Variants in PIEZO2 observed in about 807,000 individuals in gnomAD.
PIEZO2 encodes piezo type mechanosensitive ion channel component 2, also known as piezo-type mechanosensitive ion channel component 2.
In PIEZO2, 172 loss-of-function variants were observed where a neutral mutation model predicts 337.3. The observed-to-expected ratio is 0.51, with a 90% confidence interval of 0.45 to 0.58. PIEZO2 has a LOEUF of 0.58. Ranked by LOEUF, PIEZO2 falls within the 20% of genes least tolerant of loss-of-function variation. The pLI is 0.00. For synonymous variants in PIEZO2, 1,251 were observed against 1,228.5 expected (o/e 1.02, Z -0.38); for missense variants, 3,028 against 3,391.3 (o/e 0.89, Z 2.66).
rs1292186620 is a variant in PIEZO2, at chr18:10,929,589, A to C, written c.287-18361T>G. Among the ~76,000 whole-genome samples, 1 of 152,200 alleles carries C rather than the reference A, an allele frequency of 6.6e-6. No individual in the cohort carries two copies. Among genetic ancestry groups the C allele is most frequent in the Non-Finnish European group, 1.5e-5 (1 of 68,034 alleles). On this transcript the variant is annotated intron_variant, in intron 3 of 55. Coordinates refer to ENST00000674853, the MANE Select transcript of PIEZO2 (RefSeq NM_001378183.1). This position sits in a 1 kb window ranked among gnomAD's most constrained non-coding sequence, Gnocchi z 5.6. Reference sequence around the variant, plus strand: ...TTTGAGGGGCTGAGAAGTTATTGGCAAGACTGTGAGAGGAAAATGCCTCTA... The same window carrying C: ...TTTGAGGGGCTGAGAAGTTATTGGCCAGACTGTGAGAGGAAAATGCCTCTA...
At chr18:10,765,180 C>T (rs1478880822) in intron 21 of PIEZO2, among the ~76,000 whole-genome samples, 3 of 152,266 alleles carry the variant, frequency 2.0e-5, no homozygotes, top group Admixed American at 6.5e-5. Context: ...TTGGTGACAG[C>T]GTAAGGGGAC....
At chr18:11,011,552 AT>A (rs1185707205) in intron 2 of PIEZO2, among the ~76,000 whole-genome samples, 31 of 152,322 alleles carry the variant, frequency 2.0e-4, no homozygotes, top group Admixed American at 3.9e-4. Flanking sequence ...ATGCTGGATA[AT>A]ATTGCTTTAA....
At chr18:10,708,938 AG>A (rs1055489161) in intron 39 of PIEZO2, among the ~76,000 whole-genome samples, 4 of 152,122 alleles carry the variant, frequency 2.6e-5, no homozygotes, top group African/African-American at 9.7e-5. Flanking sequence ...AGAATTAGAG[AG>A]GGGAAACTCA....
At chr18:10,869,132 T>C (rs2042077873) in intron 5 of PIEZO2, among the ~76,000 whole-genome samples, 1 of 152,230 alleles carries the variant, frequency 6.6e-6, no homozygotes, top group African/African-American at 2.4e-5. Flanking sequence ...GCAGGCACTG[T>C]GGCAGGTGCT....
chr18:11,082,577 A>G (rs376679570), intron 1 of PIEZO2, among the ~76,000 whole-genome samples: 8 of 152,244 alleles, frequency 5.3e-5, no homozygotes, highest in Non-Finnish European at 1.0e-4. Context: ...TTGGCCTCCC[A>G]GAGTGCTGGG....
At chr18:11,008,472 A>C (rs1598819283) in intron 2 of PIEZO2, among the ~76,000 whole-genome samples, 1 of 152,070 alleles carries the variant, frequency 6.6e-6, no homozygotes, top group South Asian at 2.1e-4. Context: ...TGGACCACCA[A>C]CGACTTTCCC....
chr18:10,892,518 G>A (rs994330433), intron 4 of PIEZO2, among the ~76,000 whole-genome samples: 3 of 151,960 alleles, frequency 2.0e-5, no homozygotes, highest in African/African-American at 7.3e-5. Context: ...ACTCTTTTTG[G>A]GGATAATGAA....
In PIEZO2 at chr18:10,876,481, T is replaced by G. The variant is rs116694950; in HGVS notation, c.330-5066A>C. 4.1e-3 allele frequency among the ~76,000 whole-genome samples: 627 copies of G among 152,320 alleles called. 4 individuals are homozygous for G. Among genetic ancestry groups the G allele is most frequent in the African/African-American group, 0.014 (601 of 41,578 alleles). ...ATGAATAATTTGGAAACTATACTAATGTACATAATTATACACCTACCTTCT... is the reference window on the plus strand; with the variant it reads ...ATGAATAATTTGGAAACTATACTAAGGTACATAATTATACACCTACCTTCT... On this transcript the variant is annotated intron_variant, in intron 4 of 55. Transcript: ENST00000674853.
rs1192158071 is a variant in PIEZO2 at position 10,715,661 on chromosome 18, C to T, written c.5245G>A (p.Glu1749Lys). ...ACCAGCAGTGTTACCTTCTTAATTT[C>T]TCTGGTCAGCATGCATCGTTCAATT... is the stretch of plus-strand genomic sequence containing the variant. ...LRIERCMLTR[E>K]IKKGNVPTRE... The change falls in exon 38 of 56, where the codon GAA (glutamate) becomes AAA (lysine). Residue 1749 changes from glutamate (E) to lysine (K), a missense_variant. Glu to Lys is a moderately conservative substitution (Grantham distance 56, BLOSUM62 1). Transcript: ENST00000674853. The T allele has an allele frequency of 6.6e-7, 1 of 1,525,184 alleles. No homozygotes were observed. The highest frequency in any genetic ancestry group is 8.7e-7 in the Non-Finnish European group (1 of 1,142,964). The allele number at this position is 1,525,184 out of a possible 1,614,324, so 94.5% of individuals were successfully genotyped here. A position where few individuals can be genotyped will look rare whatever the true frequency, so the allele number is the denominator to read the frequency against.
At position 10,696,196 on chromosome 18, in the gene PIEZO2, G is replaced by T; in HGVS notation, c.7068C>A (p.Thr2356=). Residue 2356 remains threonine (T), a synonymous_variant, in exon 47 of 56, where the codon ACC becomes ACA. Coordinates refer to ENST00000674853, the MANE Select transcript of PIEZO2 (RefSeq NM_001378183.1). ...GGTAGAGGGCTCGGTCCACCACCATGGTTCCAAACTGAATGAGGACCATCA... is the reference window on the plus strand; with the variant it reads ...GGTAGAGGGCTCGGTCCACCACCATTGTTCCAAACTGAATGAGGACCATCA... ...FLVMVLIQFG[T]MVVDRALYLR... is the part of the protein sequence containing the mutation. 6.2e-7 allele frequency: 1 copy of T among 1,614,036 alleles called. No individual in the cohort carries two copies. Among genetic ancestry groups the T allele is most frequent in the South Asian group, 1.1e-5 (1 of 91,088 alleles).
chr18:10,921,226 G>A (rs539283276), intron 3 of PIEZO2, among the ~76,000 whole-genome samples: 63 of 152,068 alleles, frequency 4.1e-4, no homozygotes, highest in Non-Finnish European at 7.5e-4. Context: ...ATAAGGTGAC[G>A]GAGCAGTGAG....
intron 4 of PIEZO2, among the ~76,000 whole-genome samples, chr18:10,897,573 A>T (rs1195424818): frequency 6.6e-6 from 1 of 151,886 alleles, no homozygotes; most frequent in African/African-American, 2.4e-5. Context: ...CGTGCCTTTC[A>T]CCTTCTGCCA....
chr18:11,144,837 C>T (rs2040766914), intron 1 of PIEZO2, among the ~76,000 whole-genome samples: 1 of 152,148 alleles, frequency 6.6e-6, no homozygotes. Flanking sequence ...CCCTTTCTTC[C>T]CCCTGAAAAT....
At chr18:10,718,984 A>AATAC (rs2036131346) in intron 36 of PIEZO2, among the ~76,000 whole-genome samples, 1 of 142,424 alleles carries the variant, frequency 7.0e-6, no homozygotes, top group African/African-American at 2.7e-5. Context: ...GTCTAAAATA[A>AATAC]ATAAATAAAT....
intron 4 of PIEZO2, among the ~76,000 whole-genome samples, chr18:10,887,173 G>A (rs1191047959): frequency 2.0e-5 from 3 of 149,780 alleles, no homozygotes; most frequent in South Asian, 2.1e-4. Flanking sequence ...GGGTTCAAGC[G>A]ATCCTCCTGC....
chr18:10,700,087 T>C (rs1282874865), intron 43 of PIEZO2, among the ~76,000 whole-genome samples: 4 of 152,040 alleles, frequency 2.6e-5, no homozygotes, highest in Non-Finnish European at 4.4e-5. Flanking sequence ...ACAAACATTT[T>C]AGCTTTTCGT....
Position 10,703,840 on chromosome 18 carries a change from G to A in PIEZO2, c.6258+554C>T, listed in dbSNP as rs746729421. On this transcript the variant is annotated intron_variant, in intron 42 of 55. Transcript: ENST00000674853. ...GACATCCACCCTTCAGATGCTAAGC[G>A]GGTGCTTGTACAATTTTGTGTTGCG... 2.4e-4 allele frequency among the ~76,000 whole-genome samples: 36 copies of A among 152,164 alleles called. 1 individual carries two copies. The highest frequency in any genetic ancestry group is 2.0e-4 in the Admixed American group (3 of 15,270).
At chr18:11,123,551 G>A (rs893336557) in intron 1 of PIEZO2, among the ~76,000 whole-genome samples, 4 of 152,292 alleles carry the variant, frequency 2.6e-5, no homozygotes, top group South Asian at 2.1e-4. Context: ...GCTCATGCCT[G>A]TAATCCCAGC....
intron 36 of PIEZO2, among the ~76,000 whole-genome samples, chr18:10,720,413 GTGTATGTATATATATA>G (rs2036251203): frequency 3.5e-4 from 13 of 36,676 alleles, no homozygotes; most frequent in African/African-American, 1.6e-3. Flanking sequence ...GTATGTGTAT[GTGTATGTATATATATA>G]TATATATATA....
Sources: gnomAD v4.1 joint callset for allele counts (sites outside exome capture counted in the v4.1 genomes callset) on GRCh38, gnomAD v4.1.1 for gene constraint, Gnocchi (gnomAD v3.1) non-coding constraint, MANE v1.5 for transcripts, NCBI Gene and HGNC (gene_info 2026-07-23, HGNC 2026-07-21) for gene names.